ANO1: variants seen among roughly 807,000 people sequenced by gnomAD.
ANO1 encodes the protein anoctamin-1.
ANO1 carries 59 observed loss-of-function variants against 124.0 expected under a neutral mutation model. The ratio of observed to expected loss-of-function variants is 0.48; its 90% CI spans 0.39 to 0.59. ANO1 has a LOEUF of 0.59. Among genes scored for constraint, ANO1 ranks in the 20% least tolerant of loss-of-function variants. The pLI is 0.00. For missense variants in ANO1, 1,059 were observed against 1,328.0 expected (o/e 0.80, Z 3.15); for synonymous variants, 529 against 532.0 (o/e 0.99, Z 0.08).
intron 18 of ANO1, among the ~76,000 whole-genome samples, chr11:70,162,639 G>C (rs1229103639): frequency 6.6e-6 from 1 of 151,372 alleles, no homozygotes; most frequent in Non-Finnish European, 1.5e-5. Flanking sequence ...GGACTGGCTG[G>C]TCTGATCTCA....
chr11:70,019,940 G>T (rs542849617), intron 1 of ANO1, among the ~76,000 whole-genome samples: 1 of 152,352 alleles, frequency 6.6e-6, no homozygotes, highest in East Asian at 1.9e-4. Context: ...TGGGAAGGGG[G>T]CCGAGGGCCC....
intron 1 of ANO1, among the ~76,000 whole-genome samples, chr11:70,037,007 C>T (rs1857105600): frequency 6.6e-6 from 1 of 152,234 alleles, no homozygotes; most frequent in South Asian, 2.1e-4. Flanking sequence ...CTGTGCCTGA[C>T]TGTCACTCAA....
chr11:70,180,346 C>G (rs2048884081), intron 23 of ANO1, among the ~76,000 whole-genome samples: 1 of 152,052 alleles, frequency 6.6e-6, no homozygotes, highest in South Asian at 2.1e-4. Flanking sequence ...GATCTCAGCT[C>G]CCTACAACCT....
chr11:69,992,822 C>T (rs1333328100), intron 1 of ANO1, among the ~76,000 whole-genome samples: 1 of 152,208 alleles, frequency 6.6e-6, no homozygotes, highest in African/African-American at 2.4e-5. Flanking sequence ...CAGCCTTCAG[C>T]ACTGGGCACA....
intron 1 of ANO1, among the ~76,000 whole-genome samples, chr11:70,019,524 T>A (rs2134994053): frequency 6.6e-6 from 1 of 151,574 alleles, no homozygotes; most frequent in East Asian, 2.0e-4. Context: ...GCTCACCCAA[T>A]TCACACGGGC....
rs766648883 is a variant in ANO1, at chr11:70,187,858, C to G, written c.2815C>G (p.Gln939Glu). The G allele has an allele frequency of 1.2e-6, 2 of 1,607,596 alleles. No individual in the cohort carries two copies. The highest frequency in any genetic ancestry group is 4.5e-5 in the East Asian group (2 of 44,696). ...GGTGGAGCTGTTCATGCGGGAGGAG[C>G]AAGACAAGCAGCAGCTGCTGGAAAC... is the stretch of plus-strand genomic sequence containing the variant. ...LMVELFMREEQDKQQLLETWM... is the reference protein window; with the variant it reads ...LMVELFMREEEDKQQLLETWM... Residue 939 changes from glutamine (Q) to glutamate (E), a missense_variant, in exon 26 of 26, where the codon CAA (glutamine) becomes GAA (glutamate). This residue lies in a region of ANO1 where 809 missense variants were observed against 1,094.9 expected (regional missense o/e 0.74). Coordinates refer to ENST00000355303, the MANE Select transcript of ANO1 (RefSeq NM_018043.7).
chr11:70,185,547 C>A, intron 24 of ANO1, 43 bp from the exon 25 acceptor site: 2 of 1,574,972 alleles, frequency 1.3e-6, no homozygotes, highest in Non-Finnish European at 1.7e-6. Flanking sequence ...GAGCCTGAGC[C>A]CCACCGAAGT....
chr11:70,095,338 GAGAAAGAA>G (rs2044850609), intron 2 of ANO1, among the ~76,000 whole-genome samples: 4 of 101,522 alleles, frequency 3.9e-5, no homozygotes, highest in African/African-American at 1.5e-4. Context: ...AGAAAGGAAA[GAGAAAGAA>G]AAAGAAAGAA....
the ANO1 span, among the ~76,000 whole-genome samples, chr11:69,966,255 T>A: frequency 0.013 from 2,037 of 152,282 alleles, 49 homozygotes; most frequent in African/African-American, 0.047. Context: ...TGACCCTGGC[T>A]GTCCACAGCT....
At chr11:70,124,287 C>T (rs879484287) in intron 8 of ANO1, 63 bp from the exon 9 acceptor site, 15 of 1,493,092 alleles carry the variant, frequency 1.0e-5, no homozygotes, top group South Asian at 4.6e-5. Context: ...CGCAGCTCTG[C>T]GTTCCGGGGA....
At chr11:70,043,574 GCAGT>G (rs1346865642) in intron 1 of ANO1, among the ~76,000 whole-genome samples, 1 of 152,068 alleles carries the variant, frequency 6.6e-6, no homozygotes, top group African/African-American at 2.4e-5. Context: ...AATATTAAGA[GCAGT>G]CAGAGAAAAA....
rs200770702 is a variant in ANO1 at position 70,052,531 on chromosome 11, C to CTTTTTTTTTTTTTTTTTTTTT, written c.59-25993_59-25973dup. On this transcript the variant is annotated intron_variant, in intron 1 of 27. Transcript: ENST00000531349. ...TTTGGGGAGAATTTCTTTTTCTTTT[C>CTTTTTTTTTTTTTTTTTTTTT]TTTTTTTTTTTTTTTTTTTTTTTTT... Among the ~76,000 whole-genome samples the CTTTTTTTTTTTTTTTTTTTTT allele has an allele frequency of 9.1e-5, 6 of 65,910 alleles. 1 individual carries two copies. The highest frequency in any genetic ancestry group is 1.3e-4 in the Non-Finnish European group (4 of 29,928). 43.2% of individuals were successfully genotyped at this position (65,910 alleles called of 152,430 possible).
At chr11:69,975,368 G>T in the ANO1 span, among the ~76,000 whole-genome samples, 8,131 of 152,276 alleles carry the variant, frequency 0.053, 274 homozygotes, top group Middle Eastern at 0.12. Context: ...TGCCTACTAC[G>T]CCCTCCCTGT....
chr11:70,051,833 C>G (rs539800033), intron 1 of ANO1, among the ~76,000 whole-genome samples: 50 of 152,242 alleles, frequency 3.3e-4, no homozygotes, highest in Non-Finnish European at 5.7e-4. Flanking sequence ...TCTTCTCCCA[C>G]TCTGTCTTCC....
In ANO1 at chr11:70,103,963, G is replaced by A. The variant is rs113116012; in HGVS notation, c.541-36G>A. The A allele has an allele frequency of 1.8e-5, 29 of 1,600,670 alleles. No homozygotes were observed. The African/African-American group carries it at 2.4e-4, about 13-fold the overall frequency. On this transcript the variant is annotated intron_variant, in intron 3 of 25. Transcript: ENST00000355303. ...ATTCCACGGATCATGGTCCAGCAGG[G>A]TGACGCAGCTCCCCGGTCCCTTGTC...
rs530748617 is a variant in ANO1, at chr11:70,169,057, G to A, written c.2197+1670G>A. Among the ~76,000 whole-genome samples, 3 of 152,314 alleles carry A rather than the reference G, an allele frequency of 2.0e-5. No individual in the cohort carries two copies. The East Asian group carries it at 5.8e-4, about 29-fold the overall frequency. ...TTGGCCATGTGGCCAGGAGGGACGG[G>A]GTCTGGGAGGTGGCTTCCCCTGCCT... is the stretch of plus-strand genomic sequence containing the variant. On this transcript the variant is annotated intron_variant, in intron 21 of 25. Transcript: ENST00000355303.
chr11:70,011,388 C>T (rs1856596192), intron 1 of ANO1, among the ~76,000 whole-genome samples: 1 of 152,196 alleles, frequency 6.6e-6, no homozygotes, highest in Admixed American at 6.5e-5. Context: ...CCTTGCAGCT[C>T]ACACAGGAGC....
At position 70,161,190 on chromosome 11, in the gene ANO1, C is replaced by T. The variant is rs771370159; in HGVS notation, c.1608C>T (p.Gly536=). 1 of 1,613,904 alleles carries T rather than the reference C, an allele frequency of 6.2e-7. No individual in the cohort carries two copies. Among genetic ancestry groups the T allele is most frequent in the South Asian group, 1.1e-5 (1 of 91,074 alleles). ...MIAVTFAIVL[G]VIIYRISMAA... ...CAGTGACGTTTGCCATCGTCCTCGG[C>T]GTCATCATCTACAGAATCTCCATGG... The change falls in exon 17 of 26, where the codon GGC becomes GGT. Residue 536 remains glycine (G), a synonymous_variant. Transcript: ENST00000355303.
Position 70,126,266 on chromosome 11 carries a change from A to G in ANO1, c.1097+71A>G, listed in dbSNP as rs999588782. 4 of 1,524,664 alleles carry G rather than the reference A, an allele frequency of 2.6e-6. No individual in the cohort carries two copies. The African/African-American group carries it at 5.5e-5, about 21-fold the overall frequency. 94.4% of individuals were successfully genotyped at this position (1,524,664 alleles called of 1,614,324 possible). ...CCTCTCCTGCCATCCCAGCTGCACA[A>G]TTCATTGGGACACTGGCCTCTCACA... On this transcript the variant is annotated intron_variant, in intron 10 of 25. Transcript: ENST00000355303.
Sources: allele counts gnomAD v4.1 joint callset (sites outside exome capture counted in the v4.1 genomes callset), GRCh38; gene constraint gnomAD v4.1.1; regional missense constraint gnomAD v4.1.1; transcripts MANE v1.5; gene names NCBI Gene and HGNC (gene_info 2026-07-23, HGNC 2026-07-21).